The following ADCY8 variants were observed in gnomAD, a reference collection of about 807,000 sequenced individuals.
ADCY8 encodes adenylate cyclase type 8.
Under a neutral mutation model 119.7 loss-of-function variants are expected in ADCY8, and 51 were observed. That is an observed-to-expected ratio of 0.43 (90% CI 0.34 to 0.54). ADCY8 has a LOEUF of 0.54. Among genes scored for constraint, ADCY8 ranks in the 20% least tolerant of loss-of-function variants. The probability of loss-of-function intolerance (pLI) is 0.03; values close to 1 mark genes in which losing one functional copy is unlikely to be tolerated. For synonymous variants in ADCY8, 665 were observed against 651.0 expected, an observed-to-expected ratio of 1.02 and a Z score of -0.33; for missense variants, 1,383 against 1,598.8, an observed-to-expected ratio of 0.87 and a Z score of 2.30.
chr8:130,985,373 G>A (rs528907611), intron 2 of ADCY8, among the ~76,000 whole-genome samples: 1 of 152,310 alleles, frequency 6.6e-6, no homozygotes, highest in South Asian at 2.1e-4. Flanking sequence ...ACAAAGGCAT[G>A]AGTGTAGAGG....
chr8:130,864,293 T>G (rs1164286371), intron 9 of ADCY8, among the ~76,000 whole-genome samples: 1 of 152,216 alleles, frequency 6.6e-6, no homozygotes, highest in Non-Finnish European at 1.5e-5. Flanking sequence ...TACAATATCT[T>G]TTTTTGATGT....
At chr8:130,908,138 T>C (rs1412241972) in intron 6 of ADCY8, among the ~76,000 whole-genome samples, 1 of 152,236 alleles carries the variant, frequency 6.6e-6, no homozygotes, top group Non-Finnish European at 1.5e-5. Context: ...GTCACTCTTC[T>C]GTTTCTTAAT....
intron 8 of ADCY8, among the ~76,000 whole-genome samples, chr8:130,875,967 T>C (rs1818547584): frequency 6.6e-6 from 1 of 152,190 alleles, no homozygotes; most frequent in South Asian, 2.1e-4. Flanking sequence ...CTATTTACAA[T>C]AGTTATCATA....
chr8:130,957,258 G>A (rs1317460453), intron 2 of ADCY8, among the ~76,000 whole-genome samples: 5 of 152,176 alleles, frequency 3.3e-5, no homozygotes, highest in Non-Finnish European at 5.9e-5. Context: ...CTGGAGCAAA[G>A]GTGACTCTTG....
rs112009062 is a variant in ADCY8 at position 130,903,852 on chromosome 8, G to T, written c.1831C>A (p.Arg611=). 1.9e-6 allele frequency: 3 copies of T among 1,613,906 alleles called. No individual in the cohort carries two copies. The highest frequency in any genetic ancestry group is 1.7e-5 in the Admixed American group (1 of 60,000). Residue 611 remains arginine, a synonymous_variant, in exon 7 of 18, where the codon CGG becomes AGG. Coordinates refer to ENST00000286355, the MANE Select transcript of ADCY8 (RefSeq NM_001115.3). ...IVKESVSSSD[R]RNSGATFTEG... ...GTGAATGTGGCCCCACTGTTTCTCC[G>T]GTCTGAGGAGCTCACTGACTCCTTG...
intron 11 of ADCY8, 105 bp downstream of exon 11, chr8:130,847,319 C>G: frequency 1.4e-6 from 1 of 740,170 alleles, no homozygotes; most frequent in Non-Finnish European, 2.3e-6. Flanking sequence ...GGAAAACAGG[C>G]CTCTTGAGTA....
chr8:131,037,952 C>T lies in ADCY8; in HGVS notation c.960+1422G>A, dbSNP rs73717435. ...AAAAAGTTCAGTCAATCAACCCTTA[C>T]TCAGAGTCTCTCATCTCTCCATTTC... On this transcript the variant is annotated intron_variant, in intron 1 of 17. Transcript: ENST00000286355. Among the ~76,000 whole-genome samples the T allele has an allele frequency of 5.9e-3, 898 of 152,240 alleles. 11 individuals carry two copies. Among genetic ancestry groups the T allele is most frequent in the African/African-American group, 0.021 (873 of 41,508 alleles).
intron 4 of ADCY8, 125 bp from the exon 5 acceptor site, chr8:130,937,325 T>C (rs1014930586): frequency 1.9e-5 from 18 of 949,348 alleles, no homozygotes; most frequent in Non-Finnish European, 2.4e-5. Flanking sequence ...AACCTACCTT[T>C]GAAATATACT....
At chr8:130,998,449 A>C (rs1161365459) in intron 1 of ADCY8, among the ~76,000 whole-genome samples, 2 of 152,132 alleles carry the variant, frequency 1.3e-5, no homozygotes, top group Non-Finnish European at 2.9e-5. Flanking sequence ...TGGAGCAGAG[A>C]GCCTTGTGGG....
At chr8:131,015,051 T>A (rs562941209) in intron 1 of ADCY8, among the ~76,000 whole-genome samples, 53 of 152,306 alleles carry the variant, frequency 3.5e-4, no homozygotes, top group African/African-American at 1.2e-3. Flanking sequence ...CCAGGGCACA[T>A]GCTATTGGGT....
At chr8:130,785,030 A>G (rs1349819536) in intron 16 of ADCY8, among the ~76,000 whole-genome samples, 3 of 152,220 alleles carry the variant, frequency 2.0e-5, no homozygotes, top group Non-Finnish European at 4.4e-5. Flanking sequence ...TTATGATGTA[A>G]GACTTTTGAA....
At chr8:130,808,092 C>T (rs1378316325) in intron 14 of ADCY8, among the ~76,000 whole-genome samples, 1 of 147,244 alleles carries the variant, frequency 6.8e-6, no homozygotes, top group Non-Finnish European at 1.5e-5. Context: ...ACCCTTTCAA[C>T]ACTTTATTCC....
intron 7 of ADCY8, among the ~76,000 whole-genome samples, chr8:130,890,701 C>G (rs1484861762): frequency 2.6e-5 from 4 of 152,150 alleles, no homozygotes; most frequent in Non-Finnish European, 5.9e-5. Flanking sequence ...CTTCCCAGTG[C>G]TGGCTGCTAG....
chr8:130,819,369 A>G (rs1394996136), intron 13 of ADCY8, among the ~76,000 whole-genome samples: 1 of 152,236 alleles, frequency 6.6e-6, no homozygotes, highest in Non-Finnish European at 1.5e-5. Context: ...TACTTTACCT[A>G]TAATCTTAAT....
rs1239816887 is a variant in ADCY8, at chr8:130,992,674, C to T, written c.961-2132G>A. ...AGGTGATCTGCCTGCCTGGGCCTCC[C>T]AAAGTGCTGGGATTACATGTGTGAG... is the stretch of plus-strand genomic sequence containing the variant. On this transcript the variant is annotated intron_variant, in intron 1 of 17. Transcript: ENST00000286355. 2.6e-5 allele frequency among the ~76,000 whole-genome samples: 4 copies of T among 151,426 alleles called. No homozygotes were observed. The East Asian group carries it at 7.7e-4, about 29-fold the overall frequency.
chr8:130,800,331 C>CAAA (rs3067432), intron 15 of ADCY8, 95 bp downstream of exon 15: 287,417 of 1,329,200 alleles, frequency 0.22, 7,424 homozygotes, highest in Middle Eastern at 0.27. Context: ...CCGTTAAGTG[C>CAAA]AAAAAAAAAA....
rs140724972 is a variant in ADCY8, at chr8:130,918,166, C to A, written c.1482-8300G>T. 5.3e-5 allele frequency among the ~76,000 whole-genome samples: 8 copies of A among 152,292 alleles called. No individual in the cohort carries two copies. The East Asian group carries it at 1.5e-3, about 29-fold the overall frequency. On this transcript the variant is annotated intron_variant, in intron 5 of 17. Transcript: ENST00000286355. ...AGGCTGCCATAACAAAATTTATAGACTGGATGGCATAAACAAGAGGAATGT... is the reference window on the plus strand; with the variant it reads ...AGGCTGCCATAACAAAATTTATAGAATGGATGGCATAAACAAGAGGAATGT...
intron 5 of ADCY8, among the ~76,000 whole-genome samples, chr8:130,910,112 G>A (rs1013498313): frequency 6.6e-6 from 1 of 151,912 alleles, no homozygotes; most frequent in Non-Finnish European, 1.5e-5. Context: ...TGGGATTACA[G>A]GTGTGAGCCA....
intron 11 of ADCY8, among the ~76,000 whole-genome samples, chr8:130,836,970 A>G (rs1311276910): frequency 6.6e-6 from 1 of 151,974 alleles, no homozygotes; most frequent in Non-Finnish European, 1.5e-5. Context: ...CTGACCTCAG[A>G]TGATCCACCC....
Sources: allele counts gnomAD v4.1 joint callset (sites outside exome capture counted in the v4.1 genomes callset), GRCh38; gene constraint gnomAD v4.1.1; transcripts MANE v1.5; gene names NCBI Gene and HGNC (gene_info 2026-07-23, HGNC 2026-07-21).